The following STAB2 variants were observed in gnomAD, a reference collection of about 807,000 sequenced individuals.
The protein encoded by STAB2 is stabilin 2.
In STAB2, 288 loss-of-function variants were observed where a neutral mutation model predicts 338.1. That is an observed-to-expected ratio of 0.85 (90% CI 0.77 to 0.94). The LOEUF is 0.94. STAB2 is among the 40% of genes least tolerant of loss of function. The pLI, the probability that STAB2 is intolerant of heterozygous loss-of-function variation, is 0.00. For synonymous variants in STAB2, 1,202 were observed against 1,193.3 expected (o/e 1.01, Z -0.15); for missense variants, 3,141 against 3,210.1 (o/e 0.98, Z 0.52).
intron 50 of STAB2, 59 bp from the exon 51 acceptor site, chr12:103,732,947 C>G: frequency 1.9e-6 from 3 of 1,575,838 alleles, no homozygotes; most frequent in Non-Finnish European, 2.6e-6. Context: ...AGACAGAACC[C>G]CTGCCCACAT....
At chr12:103,715,957 T>TAG in intron 43 of STAB2, 69 bp downstream of exon 43, 2 of 1,531,570 alleles carry the variant, frequency 1.3e-6, no homozygotes, top group Non-Finnish European at 1.8e-6. Context: ...GACACAGGCC[T>TAG]GAGAGAAAGA....
chr12:103,654,522 G>A, intron 12 of STAB2, 33 bp from the exon 13 acceptor site: 3 of 1,606,968 alleles, frequency 1.9e-6, no homozygotes, highest in Non-Finnish European at 1.7e-6. Context: ...GGACACCATA[G>A]TAATCTTATT....
intron 34 of STAB2, among the ~76,000 whole-genome samples, chr12:103,700,947 T>C (rs1878808604): frequency 1.3e-5 from 2 of 151,012 alleles, no homozygotes; most frequent in Admixed American, 1.3e-4. Context: ...CTGCACCCAC[T>C]AACTCGTCAT....
chr12:103,733,092 A>G lies in STAB2; in HGVS notation c.5370A>G (p.Leu1790=), dbSNP rs1881769558. Residue 1790 remains leucine (L), a synonymous_variant, in exon 51 of 69, where the codon CTA becomes CTG. Coordinates refer to ENST00000388887, the MANE Select transcript of STAB2 (RefSeq NM_017564.10). ...FWPTDQALHA[L]PAEQQDFLFN... is the part of the protein sequence containing the mutation. ...CCACCGACCAAGCCCTCCATGCCCT[A>G]CCTGCTGAACAACAGGACTTCCTGT... 13 of 1,613,996 alleles carry G rather than the reference A, an allele frequency of 8.1e-6. No homozygotes were observed. Among genetic ancestry groups the G allele is most frequent in the Non-Finnish European group, 1.1e-5 (13 of 1,180,028 alleles).
At position 103,689,972 on chromosome 12, in the gene STAB2, G is replaced by A. The variant is rs780977349; in HGVS notation, c.3172G>A (p.Ala1058Thr). Residue 1058 changes from alanine (A) to threonine (T), a missense_variant, in exon 29 of 69, where the codon GCC (alanine) becomes ACC (threonine). Ala to Thr is a moderately conservative substitution (Grantham distance 58, BLOSUM62 0). Transcript: ENST00000388887. The part of the protein sequence containing the change: ...SFWLSQSNIP[A>T]LIKYHMLLGT... ...CTGGTTGTCACAGAGCAATATTCCA[G>A]CCCTAATAAAGTAGGTGTTACTTAT... The A allele has an allele frequency of 1.1e-5, 17 of 1,613,130 alleles. No individual in the cohort carries two copies. The East Asian group carries it at 3.8e-4, about 36-fold the overall frequency.
intron 61 of STAB2, among the ~76,000 whole-genome samples, chr12:103,754,052 T>C (rs1883903745): frequency 1.3e-5 from 2 of 152,288 alleles, no homozygotes; most frequent in Non-Finnish European, 2.9e-5. Flanking sequence ...GGTTTATCAC[T>C]GGGAGCAGAG....
rs1235411845 is a variant in STAB2, at chr12:103,758,199, T to C, written c.7017T>C (p.Ala2339=). 6.2e-7 allele frequency: 1 copy of C among 1,614,158 alleles called. No individual in the cohort carries two copies. The highest frequency in any genetic ancestry group is 8.5e-7 in the Non-Finnish European group (1 of 1,180,042). Residue 2339 remains alanine, a synonymous_variant, in exon 64 of 69, where the codon GCT becomes GCC. Coordinates refer to ENST00000388887, the MANE Select transcript of STAB2 (RefSeq NM_017564.10). ...TEVLAYSNSS[A]RGRAFLEHLT... ...TGCTGGCCTATTCCAACAGCTCAGC[T>C]CGAGGCCGTGCATTTCTAGAACACC... is the stretch of plus-strand genomic sequence containing the variant.
intron 46 of STAB2, 26 bp downstream of exon 46, chr12:103,726,189 C>A: frequency 6.2e-7 from 1 of 1,613,212 alleles, no homozygotes; most frequent in Non-Finnish European, 8.5e-7. Context: ...GTCTGTCTAG[C>A]CATAAGAGTT....
chr12:103,758,350 G>A, intron 64 of STAB2, 61 bp downstream of exon 64: 1 of 1,598,522 alleles, frequency 6.3e-7, no homozygotes, highest in Non-Finnish European at 8.5e-7. Flanking sequence ...CCACAACAAT[G>A]CTGTGTCACA....
At chr12:103,622,796 G>A (rs1423072092) in intron 5 of STAB2, among the ~76,000 whole-genome samples, 3 of 152,116 alleles carry the variant, frequency 2.0e-5, no homozygotes, top group Non-Finnish European at 4.4e-5. Flanking sequence ...CTCTCCCCAG[G>A]CTCTAGGATT....
chr12:103,756,626 C>T (rs187640317), intron 63 of STAB2, among the ~76,000 whole-genome samples: 53 of 152,348 alleles, frequency 3.5e-4, no homozygotes, highest in African/African-American at 1.2e-3. Flanking sequence ...CTGCCTGGTT[C>T]CAGCCTCCCC....
At chr12:103,623,585 G>A (rs1361829543) in intron 5 of STAB2, among the ~76,000 whole-genome samples, 7 of 152,138 alleles carry the variant, frequency 4.6e-5, no homozygotes, top group Non-Finnish European at 1.0e-4. Context: ...GTGGCCTCTC[G>A]AGGCTGGAAA....
intron 2 of STAB2, among the ~76,000 whole-genome samples, chr12:103,594,117 A>G (rs1582881): frequency 0.59 from 89,120 of 152,080 alleles, 27,779 homozygotes; most frequent in African/African-American, 0.82. Flanking sequence ...CATGTGCCTA[A>G]GCCTTAATAT....
intron 46 of STAB2, 49 bp downstream of exon 46, chr12:103,726,212 G>A: frequency 5.0e-6 from 8 of 1,596,808 alleles, no homozygotes; most frequent in Non-Finnish European, 6.9e-6. Flanking sequence ...GCCTAGGCCA[G>A]GTGCAGTGGC....
chr12:103,645,260 G>A (rs966915441), intron 9 of STAB2, among the ~76,000 whole-genome samples: 5 of 152,190 alleles, frequency 3.3e-5, no homozygotes, highest in African/African-American at 1.2e-4. Context: ...ATGTTCCATG[G>A]CTCAACTGAG....
chr12:103,742,272 A>T, intron 55 of STAB2, 133 bp from the exon 56 acceptor site: 2 of 1,196,080 alleles, frequency 1.7e-6, no homozygotes, highest in Non-Finnish European at 2.4e-6. Context: ...GACGTGCCTT[A>T]AATATCCACT....
At chr12:103,705,870 T>C in intron 37 of STAB2, 143 bp downstream of exon 37, 1 of 765,096 alleles carries the variant, frequency 1.3e-6, no homozygotes, top group Non-Finnish European at 2.2e-6. Flanking sequence ...TGTCATCCAA[T>C]GTAGTAGTGG....
Position 103,660,374 on chromosome 12 carries a change from C to A in STAB2, c.1778C>A (p.Pro593Gln). ...GAACTCGTCAGATACCACATTGTCC[C>A]ATTTACCCAGGTTGGCCCCACTTTT... is the stretch of plus-strand genomic sequence containing the variant. ...LLELVRYHIVPFTQLEVATLI... is the reference protein window; with the variant it reads ...LLELVRYHIVQFTQLEVATLI... The change falls in exon 16 of 69, where the codon CCA becomes CAA. Residue 593 changes from proline to glutamine, a missense_variant. Coordinates refer to ENST00000388887, the MANE Select transcript of STAB2 (RefSeq NM_017564.10). The A allele has an allele frequency of 6.2e-7, 1 of 1,614,160 alleles. No individual in the cohort carries two copies. Among genetic ancestry groups the A allele is most frequent in the East Asian group, 2.2e-5 (1 of 44,868 alleles).
At chr12:103,735,634 C>G in intron 52 of STAB2, 54 bp downstream of exon 52, 2 of 1,302,440 alleles carry the variant, frequency 1.5e-6, no homozygotes, top group Non-Finnish European at 2.1e-6. Flanking sequence ...TCACAGCAAG[C>G]TATTCCCCAA....
Sources: allele counts gnomAD v4.1 joint callset (sites outside exome capture counted in the v4.1 genomes callset), GRCh38; gene constraint gnomAD v4.1.1; transcripts MANE v1.5; gene names NCBI Gene and HGNC (gene_info 2026-07-23, HGNC 2026-07-21).